The following ARHGAP24 variants were observed in gnomAD, a reference collection of about 807,000 sequenced individuals.
The protein encoded by ARHGAP24 is rho GTPase-activating protein 24.
ARHGAP24 carries 50 observed loss-of-function variants against 76.4 expected under a neutral mutation model. That is an observed-to-expected ratio of 0.65 (90% confidence interval 0.52 to 0.83). The LOEUF is 0.83. Ranked by LOEUF, ARHGAP24 falls within the 40% of genes least tolerant of loss-of-function variation. The probability of loss-of-function intolerance (pLI) is 0.00; values close to 1 mark genes in which losing one functional copy is unlikely to be tolerated. For missense variants in ARHGAP24, 930 were observed against 914.2 expected (o/e 1.02, Z -0.22); for synonymous variants, 345 against 323.3 (o/e 1.07, Z -0.72).
chr4:85,934,401 C>G (rs1348903132), intron 4 of ARHGAP24, among the ~76,000 whole-genome samples: 2 of 152,196 alleles, frequency 1.3e-5, no homozygotes, highest in African/African-American at 4.8e-5. Flanking sequence ...CATTGTCTAT[C>G]TCAACTTTAT....
intron 3 of ARHGAP24, among the ~76,000 whole-genome samples, chr4:85,913,168 A>G (rs1357508841): frequency 6.6e-6 from 1 of 151,988 alleles, no homozygotes; most frequent in Non-Finnish European, 1.5e-5. Flanking sequence ...ACTCCTTAAT[A>G]CATTAAAATG....
At chr4:85,545,325 C>T (rs1322560316) in intron 1 of ARHGAP24, among the ~76,000 whole-genome samples, 1 of 152,134 alleles carries the variant, frequency 6.6e-6, no homozygotes, top group African/African-American at 2.4e-5. Context: ...GTCTCAAACT[C>T]CTAACCTCAG....
chr4:85,534,928 A>G (rs760732587), intron 1 of ARHGAP24, among the ~76,000 whole-genome samples: 17 of 102,268 alleles, frequency 1.7e-4, no homozygotes, highest in Admixed American at 3.4e-4. Context: ...TATTTACAGT[A>G]AAAAAAAAAA....
At chr4:85,500,934 T>C (rs748078396) in intron 1 of ARHGAP24, among the ~76,000 whole-genome samples, 7 of 144,612 alleles carry the variant, frequency 4.8e-5, no homozygotes, top group Non-Finnish European at 1.1e-4. Flanking sequence ...AGTGTTCTCA[T>C]TGTTCAATTC....
chr4:86,000,442 C>CGGGGGGGGGGGGGGGGGGGG, intron 9 of ARHGAP24, 37 bp from the exon 10 acceptor site: 2 of 807,894 alleles, frequency 2.5e-6, no homozygotes, highest in East Asian at 3.9e-5. Flanking sequence ...CTTACTCTTG[C>CGGGGGGGGGGGGGGGGGGGG]GTCCCCACCC....
intron 2 of ARHGAP24, among the ~76,000 whole-genome samples, chr4:85,651,493 A>T (rs6817114): frequency 0.36 from 53,204 of 148,344 alleles, 11,998 homozygotes; most frequent in East Asian, 0.84. Context: ...CCTTTGCTGT[A>T]CCTCCTAAGT....
intron 1 of ARHGAP24, among the ~76,000 whole-genome samples, chr4:85,503,564 G>A (rs1560511503): frequency 6.6e-6 from 1 of 150,442 alleles, no homozygotes; most frequent in East Asian, 2.0e-4. Context: ...GTGGTGATAT[G>A]CCCTTTATCA....
chr4:85,507,959 G>C (rs953590830), intron 1 of ARHGAP24, among the ~76,000 whole-genome samples: 1 of 151,902 alleles, frequency 6.6e-6, no homozygotes, highest in Non-Finnish European at 1.5e-5. Context: ...AATCAACTTA[G>C]ATGAGAAGCT....
intron 1 of ARHGAP24, among the ~76,000 whole-genome samples, chr4:85,554,831 C>T (rs1286650553): frequency 3.8e-5 from 2 of 53,312 alleles, no homozygotes; most frequent in African/African-American, 1.0e-4. Flanking sequence ...CTATCACGCC[C>T]AGCTGATTTT....
intron 2 of ARHGAP24, among the ~76,000 whole-genome samples, chr4:85,586,909 A>C (rs1321868035): frequency 2.0e-5 from 3 of 152,130 alleles, no homozygotes; most frequent in African/African-American, 7.2e-5. Flanking sequence ...AAAATAAATA[A>C]ATAAATAAAT....
At chr4:85,923,372 G>A (rs759121586) in intron 3 of ARHGAP24, among the ~76,000 whole-genome samples, 2 of 152,106 alleles carry the variant, frequency 1.3e-5, no homozygotes, top group Non-Finnish European at 2.9e-5. Context: ...ATTGGATTAC[G>A]AATTGATGCA....
chr4:85,561,234 T>C (rs1726584991), intron 1 of ARHGAP24, among the ~76,000 whole-genome samples: 1 of 152,090 alleles, frequency 6.6e-6, no homozygotes, highest in Admixed American at 6.5e-5. Flanking sequence ...GAAGGATAAA[T>C]AGAAGTTAAC....
intron 3 of ARHGAP24, among the ~76,000 whole-genome samples, chr4:85,802,610 G>A (rs1578242644): frequency 1.3e-5 from 2 of 152,180 alleles, no homozygotes; most frequent in African/African-American, 2.4e-5. Context: ...TAACCAACAT[G>A]GAGAAACCTC....
rs117981595 is a variant in ARHGAP24, at chr4:85,484,592, G to A, written c.-21+9033G>A. On this transcript the variant is annotated intron_variant, in intron 1 of 9. Transcript: ENST00000395184. ...ATATTTTATTCACCCCCCTTTGTGCGTTGTGTGTAATGTTATTTACTGTTT... is the reference window on the plus strand; with the variant it reads ...ATATTTTATTCACCCCCCTTTGTGCATTGTGTGTAATGTTATTTACTGTTT... 5.5e-4 allele frequency among the ~76,000 whole-genome samples: 84 copies of A among 152,124 alleles called. No individual in the cohort carries two copies. In the East Asian group the frequency reaches 0.011, roughly 20 times the overall value.
chr4:85,487,377 TTA>T (rs1324789730), intron 1 of ARHGAP24, among the ~76,000 whole-genome samples: 60 of 114,168 alleles, frequency 5.3e-4, no homozygotes, highest in East Asian at 1.4e-3. Flanking sequence ...AAATATATAT[TTA>T]TATATATTAT....
At chr4:85,684,826 A>G (rs1004585054) in intron 2 of ARHGAP24, among the ~76,000 whole-genome samples, 1 of 152,236 alleles carries the variant, frequency 6.6e-6, no homozygotes, top group Non-Finnish European at 1.5e-5. Context: ...TAACTGCAAC[A>G]GAGAGTCTGA....
intron 3 of ARHGAP24, among the ~76,000 whole-genome samples, chr4:85,745,289 C>A (rs921403643): frequency 1.4e-5 from 2 of 143,634 alleles, no homozygotes; most frequent in Non-Finnish European, 3.1e-5. Flanking sequence ...TAATATATAC[C>A]GTAGTATATA....
intron 2 of ARHGAP24, among the ~76,000 whole-genome samples, chr4:85,589,156 G>A (rs1727985215): frequency 6.6e-6 from 1 of 152,200 alleles, no homozygotes; most frequent in African/African-American, 2.4e-5. Context: ...GGTGAATTAT[G>A]TCTGATAACA....
chr4:85,811,421 G>A (rs1184907554), intron 3 of ARHGAP24, among the ~76,000 whole-genome samples: 1 of 152,174 alleles, frequency 6.6e-6, no homozygotes, highest in Non-Finnish European at 1.5e-5. Flanking sequence ...GAGAGTTCTA[G>A]TCTAGGGTAG....
Sources: gnomAD v4.1 joint callset for allele counts (sites outside exome capture counted in the v4.1 genomes callset) on GRCh38, gnomAD v4.1.1 for gene constraint, MANE v1.5 for transcripts, NCBI Gene and HGNC (gene_info 2026-07-23, HGNC 2026-07-21) for gene names.